Variants in CLK4 observed in about 807,000 individuals in gnomAD.
The protein encoded by CLK4 is dual specificity protein kinase CLK4.
In CLK4, 37 loss-of-function variants were observed where a neutral mutation model predicts 64.4. The ratio of observed to expected loss-of-function variants is 0.57; its 90% CI spans 0.44 to 0.76. The LOEUF is 0.76. Among genes scored for constraint, CLK4 ranks in the 30% least tolerant of loss-of-function variants. The pLI is 0.00. For synonymous variants in CLK4, 175 were observed against 191.6 expected (o/e 0.91, Z 0.72); for missense variants, 457 against 605.1 (o/e 0.76, Z 2.57).
chr5:178,612,350 G>A, intron 9 of CLK4, 66 bp downstream of exon 9: 1 of 1,421,738 alleles, frequency 7.0e-7, no homozygotes, highest in Non-Finnish European at 9.5e-7. Flanking sequence ...CACCCCACCA[G>A]TAAAGCTGTA....
intron 5 of CLK4, among the ~76,000 whole-genome samples, chr5:178,616,652 T>G (rs557348027): frequency 6.6e-6 from 1 of 151,984 alleles, no homozygotes; most frequent in South Asian, 2.1e-4. Context: ...AAAAACTAGC[T>G]AGGTGTGGTG....
intron 1 of CLK4, among the ~76,000 whole-genome samples, chr5:178,624,109 A>T (rs571848483): frequency 6.6e-6 from 1 of 152,356 alleles, no homozygotes; most frequent in African/African-American, 2.4e-5. Flanking sequence ...TCTAAATCTC[A>T]GAATGACTCT....
intron 10 of CLK4, among the ~76,000 whole-genome samples, chr5:178,607,722 G>C (rs567207062): frequency 2.2e-4 from 34 of 151,772 alleles, no homozygotes; most frequent in African/African-American, 8.2e-4. Flanking sequence ...ATGTTAGCCA[G>C]GATGGTCTCG....
At chr5:178,620,372 T>C (rs948594815) in intron 2 of CLK4, 3 of 238,224 alleles carry the variant, frequency 1.3e-5, no homozygotes, top group African/African-American at 2.2e-5. Context: ...GAATACTGCA[T>C]GGAATTAGAG....
At position 178,618,610 on chromosome 5, in the gene CLK4, T is replaced by C; in HGVS notation, c.330A>G (p.Arg110=). The change falls in exon 3 of 13, where the codon AGA becomes AGG. Residue 110 remains arginine, a synonymous_variant. Coordinates refer to ENST00000316308, the MANE Select transcript of CLK4 (RefSeq NM_020666.3). ...TATTGCGCTTCCTTTTAGGACTGCT[T>C]CTCCTGCTGCGGACTGAAGATTTAC... The part of the protein sequence containing the change: ...HCSKSSVRSR[R]SSPKRKRNRH... The C allele has an allele frequency of 1.2e-6, 2 of 1,614,108 alleles. No homozygotes were observed. Among genetic ancestry groups the C allele is most frequent in the Non-Finnish European group, 1.7e-6 (2 of 1,179,978 alleles).
Position 178,603,940 on chromosome 5 carries a change from G to GAAA in CLK4, c.1215-9_1215-7dup. On this transcript the variant is annotated splice_region_variant and splice_polypyrimidine_tract_variant and intron_variant, in intron 11 of 12. Coordinates refer to ENST00000316308, the MANE Select transcript of CLK4 (RefSeq NM_020666.3). ...GGTGAAAATACTTGCGTTTTCTACA[G>GAAA]AAAAAAAAAAAAAGTCTGGATTAGT... The GAAA allele has an allele frequency of 7.0e-5, 92 of 1,322,860 alleles. No homozygotes were observed. The highest frequency in any genetic ancestry group is 1.7e-4 in the South Asian group (12 of 71,742). 81.9% of individuals were successfully genotyped at this position (1,322,860 alleles called of 1,614,324 possible). A position where few individuals can be genotyped will look rare whatever the true frequency, so the allele number is the denominator to read the frequency against.
At position 178,613,603 on chromosome 5, in the gene CLK4, A is replaced by G. The variant is rs1764587911; in HGVS notation, c.696T>C (p.His232=). The change falls in exon 7 of 13, where the codon CAT becomes CAC. Residue 232 remains histidine (H), a synonymous_variant. Transcript: ENST00000316308. ...CVQMLEWFDH[H]GHVCIVFELL... is the part of the protein sequence containing the mutation. ...GTTCAAACACAATACAAACATGACC[A>G]TGATGATCAAACCATTCTAGCATCT... 1 of 1,610,208 alleles carries G rather than the reference A, an allele frequency of 6.2e-7. No homozygotes were observed. The highest frequency in any genetic ancestry group is 8.5e-7 in the Non-Finnish European group (1 of 1,178,968).
intron 5 of CLK4, among the ~76,000 whole-genome samples, chr5:178,614,299 C>T (rs1181838439): frequency 6.6e-6 from 1 of 152,152 alleles, no homozygotes; most frequent in East Asian, 1.9e-4. Flanking sequence ...TAGACTTCTT[C>T]ACAGAAGAGG....
At chr5:178,616,567 G>A (rs768389772) in intron 5 of CLK4, among the ~76,000 whole-genome samples, 3 of 152,082 alleles carry the variant, frequency 2.0e-5, no homozygotes, top group Non-Finnish European at 4.4e-5. Flanking sequence ...AAACTGAGGC[G>A]GGTAGATCAC....
chr5:178,612,736 T>C, intron 8 of CLK4, 60 bp downstream of exon 8: 1 of 1,125,454 alleles, frequency 8.9e-7, no homozygotes, highest in Non-Finnish European at 1.3e-6. Flanking sequence ...CATCCAAAGA[T>C]CATCAAGTTA....
chr5:178,612,908 C>G lies in CLK4; in HGVS notation c.827-18G>C, dbSNP rs777312370. The G allele has an allele frequency of 2.3e-6, 3 of 1,276,610 alleles. No individual in the cohort carries two copies. Among genetic ancestry groups the G allele is most frequent in the Non-Finnish European group, 3.4e-6 (3 of 887,942 alleles). 79.1% of individuals were successfully genotyped at this position (1,276,610 alleles called of 1,614,324 possible). The stretch of plus-strand genomic sequence containing the variant: ...ATGTAAAACTACAAGAGAACAAAAG[C>G]ACATTATTAGTTTCACTTACAAACT... On this transcript the variant is annotated intron_variant, in intron 7 of 12. Coordinates refer to ENST00000316308, the MANE Select transcript of CLK4 (RefSeq NM_020666.3).
At chr5:178,609,224 T>C (rs897816149) in intron 9 of CLK4, among the ~76,000 whole-genome samples, 1 of 152,214 alleles carries the variant, frequency 6.6e-6, no homozygotes, top group African/African-American at 2.4e-5. Flanking sequence ...AAATATTTAG[T>C]TAAAAAATGT....
At chr5:178,614,051 G>C (rs1764594366) in intron 5 of CLK4, among the ~76,000 whole-genome samples, 1 of 152,094 alleles carries the variant, frequency 6.6e-6, no homozygotes, top group Non-Finnish European at 1.5e-5. Flanking sequence ...TAATACTTAT[G>C]AGTTTTAACG....
chr5:178,609,919 T>C (rs1038668554), intron 9 of CLK4, among the ~76,000 whole-genome samples: 5 of 150,686 alleles, frequency 3.3e-5, no homozygotes, highest in African/African-American at 1.2e-4. Context: ...AAAAAATAAA[T>C]AAATAAATAA....
rs547091103 is a variant in CLK4 at position 178,622,295 on chromosome 5, T to C, written c.161+961A>G. 7.0e-5 allele frequency: 21 copies of C among 300,502 alleles called. No individual in the cohort carries two copies. The South Asian group carries it at 1.6e-3, about 22-fold the overall frequency. 18.6% of individuals were successfully genotyped at this position (300,502 alleles called of 1,614,324 possible). On this transcript the variant is annotated intron_variant, in intron 2 of 12. Transcript: ENST00000316308. ...ATAAACCTTCCCCCTTCCCCTTATA[T>C]AACAATGCGTATGAAGCATGATTTG...
intron 2 of CLK4, chr5:178,620,717 C>A: frequency 2.9e-6 from 1 of 343,554 alleles, no homozygotes. Context: ...AAGTCCCTGC[C>A]AACAAATAAT....
At chr5:178,616,696 T>C (rs1461759090) in intron 5 of CLK4, among the ~76,000 whole-genome samples, 186 bp downstream of exon 5, 1 of 152,058 alleles carries the variant, frequency 6.6e-6, no homozygotes, top group Non-Finnish European at 1.5e-5. Context: ...CTTGAGAGGC[T>C]GAAGCAGGAG....
At chr5:178,620,777 A>C (rs1263613749) in intron 2 of CLK4, 1 of 277,200 alleles carries the variant, frequency 3.6e-6, no homozygotes, top group Non-Finnish European at 7.5e-6. Context: ...CCAACAATGT[A>C]GGAAATTCTA....
Position 178,617,472 on chromosome 5 carries a change from CAA to C in CLK4, c.385-40_385-39del, listed in dbSNP as rs776431580. ...GTGGGCAGCACCAAGATCGTCCAGC[CAA>C]TCAATATATCAGAGTGAATTCAGGG... On this transcript the variant is annotated intron_variant, in intron 3 of 12. Coordinates refer to ENST00000316308, the MANE Select transcript of CLK4 (RefSeq NM_020666.3). The surrounding 1 kb of genome is among the most constrained non-coding windows in gnomAD (Gnocchi z 5.2). 1 of 1,526,292 alleles carries C rather than the reference CAA, an allele frequency of 6.6e-7. No individual in the cohort carries two copies. The highest frequency in any genetic ancestry group is 1.4e-5 in the African/African-American group (1 of 73,058). 94.5% of individuals were successfully genotyped at this position (1,526,292 alleles called of 1,614,324 possible).
Sources: gnomAD v4.1 joint callset for allele counts (sites outside exome capture counted in the v4.1 genomes callset) on GRCh38, gnomAD v4.1.1 for gene constraint, Gnocchi (gnomAD v3.1) non-coding constraint, MANE v1.5 for transcripts, NCBI Gene and HGNC (gene_info 2026-07-23, HGNC 2026-07-21) for gene names.